Variants in PTPN3 observed in about 807,000 individuals in gnomAD.
The protein encoded by PTPN3 is tyrosine-protein phosphatase non-receptor type 3.
A neutral mutation model predicts 132.7 loss-of-function variants in PTPN3; 96 were observed. The ratio of observed to expected loss-of-function variants is 0.72; its 90% confidence interval spans 0.61 to 0.86. The LOEUF (loss-of-function observed/expected upper bound fraction) is 0.86, where lower values mean the gene tolerates loss of function less well. Among genes scored for constraint, PTPN3 ranks in the 40% least tolerant of loss-of-function variants. PTPN3 has a pLI of 0.00. For missense variants in PTPN3, 1,125 were observed against 1,159.6 expected (o/e 0.97, Z 0.43); for synonymous variants, 398 against 429.0 (o/e 0.93, Z 0.89).
In PTPN3 at chr9:109,378,408, T is replaced by C. The variant is rs1838749757; in HGVS notation, c.*1148A>G. ...TTGTGTTTATATTCAGATAGTCTGA[T>C]CCTCTCCTTTGAAATGCAATGGAGA... On this transcript the variant is annotated 3_prime_UTR_variant, in exon 26 of 26. Coordinates refer to ENST00000374541, the MANE Select transcript of PTPN3 (RefSeq NM_002829.4). The C allele has an allele frequency of 6.6e-6, 1 of 152,656 alleles. No homozygotes were observed. The highest frequency in any genetic ancestry group is 1.5e-5 in the Non-Finnish European group (1 of 68,042). 9.5% of individuals were successfully genotyped at this position (152,656 alleles called of 1,614,324 possible).
At chr9:109,383,636 G>C (rs1839317147) in intron 22 of PTPN3, 85 bp from the exon 23 acceptor site, 5 of 1,534,546 alleles carry the variant, frequency 3.3e-6, no homozygotes, top group Non-Finnish European at 4.4e-6. Flanking sequence ...GACGGGTTAG[G>C]CATCCTCTCA....
At chr9:109,416,223 C>A (rs1842474175) in intron 14 of PTPN3, among the ~76,000 whole-genome samples, 1 of 152,120 alleles carries the variant, frequency 6.6e-6, no homozygotes, top group Non-Finnish European at 1.5e-5. Context: ...AAGGCAGGAA[C>A]CTTGATGCTG....
intron 19 of PTPN3, among the ~76,000 whole-genome samples, chr9:109,393,633 C>T (rs1444361482): frequency 6.6e-6 from 1 of 152,126 alleles, no homozygotes; most frequent in Non-Finnish European, 1.5e-5. Context: ...GTGATCCACA[C>T]ACCTCGGCCT....
chr9:109,496,622 G>A (rs796244709), intron 1 of PTPN3, among the ~76,000 whole-genome samples: 4 of 152,334 alleles, frequency 2.6e-5, no homozygotes, highest in African/African-American at 9.6e-5. Context: ...CTATGCAAAG[G>A]TTAGTTATTA....
the PTPN3 span, chr9:109,534,355 G>T: frequency 6.7e-7 from 1 of 1,497,372 alleles, no homozygotes; most frequent in Non-Finnish European, 8.9e-7. Flanking sequence ...GGTGACTGGG[G>T]CCGGCTGCGG....
chr9:109,408,791 AAAAAAATAT>A (rs1460364421), intron 16 of PTPN3, among the ~76,000 whole-genome samples: 10 of 58,382 alleles, frequency 1.7e-4, no homozygotes, highest in African/African-American at 5.5e-4. Flanking sequence ...TAAAAAAAAA[AAAAAAATAT>A]ATATATATAT....
chr9:109,418,227 C>T (rs559578821), intron 14 of PTPN3, among the ~76,000 whole-genome samples: 2 of 152,354 alleles, frequency 1.3e-5, no homozygotes, highest in Admixed American at 1.3e-4. Context: ...CTGGAGGCTC[C>T]TGAAACAACT....
In PTPN3 at chr9:109,498,161, C is replaced by A. The variant is rs1847768636; in HGVS notation, c.-18+58G>T. 6.8e-6 allele frequency: 1 copy of A among 146,264 alleles called. No homozygotes were observed. Among genetic ancestry groups the A allele is most frequent in the Non-Finnish European group, 1.5e-5 (1 of 65,816 alleles). 9.1% of individuals were successfully genotyped at this position (146,264 alleles called of 1,614,324 possible). ...GGCGGGGTGGCGCCGAGCGCGACCC[C>A]GGCCCCCGGCAGCCCCGCACCCTGC... On this transcript the variant is annotated intron_variant, in intron 1 of 25. Coordinates refer to ENST00000374541, the MANE Select transcript of PTPN3 (RefSeq NM_002829.4). The surrounding 1 kb of genome is among the most constrained non-coding windows in gnomAD (Gnocchi z 4.2).
intron 21 of PTPN3, among the ~76,000 whole-genome samples, chr9:109,390,507 G>A (rs1003682911): frequency 6.6e-6 from 1 of 152,120 alleles, no homozygotes; most frequent in African/African-American, 2.4e-5. Flanking sequence ...GCTAAATGAC[G>A]AGTTAATGGG....
At chr9:109,526,363 T>A in the PTPN3 span, among the ~76,000 whole-genome samples, 1 of 150,974 alleles carries the variant, frequency 6.6e-6, no homozygotes, top group Non-Finnish European at 1.5e-5. Flanking sequence ...AAAGTGGAAA[T>A]GATTAGTTTA....
chr9:109,495,193 T>G (rs1382200589), intron 1 of PTPN3, among the ~76,000 whole-genome samples: 1 of 152,204 alleles, frequency 6.6e-6, no homozygotes, highest in African/African-American at 2.4e-5. Flanking sequence ...CCACCAGCCC[T>G]TCCAGACCAG....
At chr9:109,410,132 GATAAGATATTTTC>G (rs1841961454) in intron 15 of PTPN3, 56 bp from the exon 16 acceptor site, 4 of 1,613,748 alleles carry the variant, frequency 2.5e-6, no homozygotes, top group Non-Finnish European at 3.4e-6. Context: ...AGCAGTTGGT[GATAAGATATTTTC>G]ATTTAGTTAG....
intron 8 of PTPN3, among the ~76,000 whole-genome samples, chr9:109,437,813 A>C (rs772343722): frequency 6.6e-6 from 1 of 152,232 alleles, no homozygotes; most frequent in Non-Finnish European, 1.5e-5. Context: ...GGTACAGTCC[A>C]TTGGTGGGGC....
At chr9:109,465,188 T>A (rs1363109605) in intron 1 of PTPN3, among the ~76,000 whole-genome samples, 1 of 152,164 alleles carries the variant, frequency 6.6e-6, no homozygotes, top group Non-Finnish European at 1.5e-5. Context: ...AACCGGTGAT[T>A]TCAATGGTGG....
Position 109,457,346 on chromosome 9 carries a change from C to T in PTPN3, c.192G>A (p.Val64=). 6.2e-7 allele frequency: 1 copy of T among 1,614,194 alleles called. No homozygotes were observed. Among genetic ancestry groups the T allele is most frequent in the Non-Finnish European group, 8.5e-7 (1 of 1,180,042 alleles). Residue 64 remains valine, a synonymous_variant, in exon 3 of 26, where the codon GTG becomes GTA. Coordinates refer to ENST00000374541, the MANE Select transcript of PTPN3 (RefSeq NM_002829.4). ...GTAAACCAAAATATTCCTTTTCAGT[C>T]ACACCCAGGTGGTTGTGCACCATAT... is the stretch of plus-strand genomic sequence containing the variant. ...LLDMVHNHLG[V]TEKEYFGLQH...
intron 1 of PTPN3, among the ~76,000 whole-genome samples, chr9:109,468,542 A>G (rs1313740361): frequency 2.0e-5 from 3 of 151,742 alleles, no homozygotes; most frequent in African/African-American, 7.3e-5. Flanking sequence ...AATTTTTTGT[A>G]TTTTTAGTAG....
At chr9:109,413,936 T>A (rs1368952347) in intron 14 of PTPN3, among the ~76,000 whole-genome samples, 1 of 152,118 alleles carries the variant, frequency 6.6e-6, no homozygotes, top group Non-Finnish European at 1.5e-5. Context: ...CCCCGCCGCC[T>A]GTGAAAGGAG....
intron 14 of PTPN3, among the ~76,000 whole-genome samples, chr9:109,415,084 AT>A (rs1842387757): frequency 1.6e-5 from 1 of 63,376 alleles, no homozygotes; most frequent in African/African-American, 6.2e-5. Flanking sequence ...CCAACCATCC[AT>A]CCATCCATCC....
chr9:109,452,223 G>A (rs576325238), intron 5 of PTPN3, among the ~76,000 whole-genome samples: 5 of 140,640 alleles, frequency 3.6e-5, no homozygotes, highest in Admixed American at 7.4e-5. Context: ...AGCTGAGAGC[G>A]CGCCACTGCA....
Sources: gnomAD v4.1 joint callset for allele counts (sites outside exome capture counted in the v4.1 genomes callset) on GRCh38, gnomAD v4.1.1 for gene constraint, Gnocchi (gnomAD v3.1) non-coding constraint, MANE v1.5 for transcripts, NCBI Gene and HGNC (gene_info 2026-07-23, HGNC 2026-07-21) for gene names.